SPAG16: variants seen among roughly 807,000 people sequenced by gnomAD.
SPAG16 encodes the protein sperm-associated antigen 16 protein.
Under a neutral mutation model 80.4 loss-of-function variants are expected in SPAG16, and 86 were observed. The ratio of observed to expected loss-of-function variants is 1.07; its 90% confidence interval spans 0.90 to 1.28. SPAG16 has a LOEUF of 1.28. Ranked by LOEUF, SPAG16 falls within the 50% of genes most tolerant of loss-of-function variation. The pLI is 0.00. For synonymous variants in SPAG16, 294 were observed against 265.9 expected (o/e 1.11, Z -1.03); for missense variants, 870 against 765.3 (o/e 1.14, Z -1.61).
chr2:213,620,281 G>GGT (rs2061727757), intron 10 of SPAG16, among the ~76,000 whole-genome samples: 2 of 82,802 alleles, frequency 2.4e-5, no homozygotes, highest in African/African-American at 1.1e-4. Context: ...AATTTATTGA[G>GGT]TTTTTTTTTT....
chr2:213,939,600 A>G (rs1339803906), intron 12 of SPAG16, among the ~76,000 whole-genome samples: 1 of 152,146 alleles, frequency 6.6e-6, no homozygotes, highest in Non-Finnish European at 1.5e-5. Flanking sequence ...TTGCATTAGG[A>G]TTCTTTTCAG....
intron 15 of SPAG16, among the ~76,000 whole-genome samples, chr2:214,199,027 G>T (rs1026297488): frequency 1.3e-5 from 2 of 152,086 alleles, no homozygotes; most frequent in African/African-American, 4.8e-5. Flanking sequence ...TGTAGTTTGT[G>T]AATATTTTCT....
At chr2:213,914,774 A>T (rs913700698) in intron 11 of SPAG16, among the ~76,000 whole-genome samples, 1 of 152,170 alleles carries the variant, frequency 6.6e-6, no homozygotes, top group Admixed American at 6.5e-5. Context: ...TGTTGGCCAC[A>T]TGTATGTCTT....
intron 10 of SPAG16, among the ~76,000 whole-genome samples, chr2:213,625,547 A>G (rs924350550): frequency 2.0e-4 from 30 of 152,180 alleles, no homozygotes; most frequent in African/African-American, 6.5e-4. Flanking sequence ...CAACATAACC[A>G]TATTTATCAA....
intron 11 of SPAG16, among the ~76,000 whole-genome samples, chr2:213,926,607 A>T (rs899979649): frequency 2.0e-5 from 3 of 152,004 alleles, no homozygotes; most frequent in African/African-American, 7.2e-5. Flanking sequence ...TTTTATTTTT[A>T]AAATTTCTAA....
At chr2:214,309,125 AT>A (rs1695118639) in intron 15 of SPAG16, among the ~76,000 whole-genome samples, 1 of 151,678 alleles carries the variant, frequency 6.6e-6, no homozygotes, top group South Asian at 2.1e-4. Context: ...TACCTGTCTT[AT>A]TTAAGAAAGC....
At chr2:213,355,618 T>G (rs970940927) in intron 7 of SPAG16, among the ~76,000 whole-genome samples, 1 of 152,250 alleles carries the variant, frequency 6.6e-6, no homozygotes, top group Admixed American at 6.5e-5. Flanking sequence ...TTTATTCTCT[T>G]TGAAGCAATT....
intron 10 of SPAG16, among the ~76,000 whole-genome samples, chr2:213,590,831 C>G (rs2060661391): frequency 6.6e-6 from 1 of 151,940 alleles, no homozygotes; most frequent in Non-Finnish European, 1.5e-5. Context: ...ATCATTTTAC[C>G]AAAAAGACAC....
At chr2:214,141,138 G>C (rs186763946) in intron 14 of SPAG16, among the ~76,000 whole-genome samples, 138 of 152,172 alleles carry the variant, frequency 9.1e-4, no homozygotes, top group Non-Finnish European at 1.6e-3. Context: ...TCAGCATTTT[G>C]TCTTTGATTT....
At chr2:213,440,628 G>GC (rs1255613884) in intron 9 of SPAG16, among the ~76,000 whole-genome samples, 1 of 152,120 alleles carries the variant, frequency 6.6e-6, no homozygotes, top group Non-Finnish European at 1.5e-5. Flanking sequence ...AGAGATCCAT[G>GC]CATACATGGT....
intron 10 of SPAG16, among the ~76,000 whole-genome samples, chr2:213,712,897 C>T (rs1402094670): frequency 6.6e-6 from 1 of 152,148 alleles, no homozygotes; most frequent in Non-Finnish European, 1.5e-5. Flanking sequence ...AGTCTGTTCT[C>T]ATACTGCTAC....
chr2:213,719,557 G>T lies in SPAG16; in HGVS notation c.1071-142928G>T, dbSNP rs1248837705. The stretch of plus-strand genomic sequence containing the variant: ...TCTACCAATCAGCAGGATGTGGGTG[G>T]GGCCAGATAAGAGAATAAAAGCAGG... On this transcript the variant is annotated intron_variant, in intron 10 of 15. Transcript: ENST00000331683. Among the ~76,000 whole-genome samples the T allele has an allele frequency of 2.6e-5, 4 of 152,166 alleles. No homozygotes were observed. The East Asian group carries it at 7.7e-4, about 29-fold the overall frequency.
At chr2:214,153,010 C>T (rs2056051033) in intron 15 of SPAG16, among the ~76,000 whole-genome samples, 1 of 152,096 alleles carries the variant, frequency 6.6e-6, no homozygotes, top group South Asian at 2.1e-4. Flanking sequence ...ATGGTTAGGC[C>T]TCCGGATAAC....
At chr2:213,985,868 T>C (rs2045974668) in intron 12 of SPAG16, among the ~76,000 whole-genome samples, 1 of 152,068 alleles carries the variant, frequency 6.6e-6, no homozygotes, top group Non-Finnish European at 1.5e-5. Flanking sequence ...AGAGCAGAGT[T>C]ATGCAAGGAA....
chr2:213,879,612 T>C (rs2076270925), intron 11 of SPAG16, among the ~76,000 whole-genome samples: 1 of 151,984 alleles, frequency 6.6e-6, no homozygotes, highest in African/African-American at 2.4e-5. Flanking sequence ...AACAGGTTGT[T>C]TTTCAAACCA....
chr2:213,944,672 TG>T (rs1188038424), intron 12 of SPAG16, among the ~76,000 whole-genome samples: 1 of 152,040 alleles, frequency 6.6e-6, no homozygotes, highest in African/African-American at 2.4e-5. Context: ...ACATGAATTG[TG>T]GGGGGCTGGG....
In SPAG16 at chr2:214,044,190, A is replaced by G. The variant is rs185909753; in HGVS notation, c.1527+30113A>G. On this transcript the variant is annotated intron_variant, in intron 13 of 15. Coordinates refer to ENST00000331683, the MANE Select transcript of SPAG16 (RefSeq NM_024532.5). ...TAATACAAAGAATATCATAATAGCA[A>G]TCTTTACATATGCATTATTTTTAAT... 2.6e-5 allele frequency among the ~76,000 whole-genome samples: 4 copies of G among 152,306 alleles called. No individual in the cohort carries two copies. In the South Asian group the frequency reaches 6.2e-4, roughly 24 times the overall value.
At chr2:213,993,311 C>T (rs77539395) in intron 12 of SPAG16, among the ~76,000 whole-genome samples, 4,836 of 152,274 alleles carry the variant, frequency 0.032, 245 homozygotes, top group African/African-American at 0.11. Context: ...GTCAATATCC[C>T]AGTCACACAG....
intron 10 of SPAG16, among the ~76,000 whole-genome samples, chr2:213,788,549 TA>T: frequency 6.6e-6 from 1 of 152,056 alleles, no homozygotes; most frequent in East Asian, 1.9e-4. Context: ...ATTATTTACA[TA>T]AATTCTATAT....
Sources: gnomAD v4.1 joint callset for allele counts (sites outside exome capture counted in the v4.1 genomes callset) on GRCh38, gnomAD v4.1.1 for gene constraint, MANE v1.5 for transcripts, NCBI Gene and HGNC (gene_info 2026-07-23, HGNC 2026-07-21) for gene names.